The following BAZ2B variants were observed in gnomAD, a reference collection of about 807,000 sequenced individuals.
BAZ2B encodes bromodomain adjacent to zinc finger domain protein 2B.
A neutral mutation model predicts 246.0 loss-of-function variants in BAZ2B; 91 were observed. The observed-to-expected ratio is 0.37, with a 90% CI of 0.31 to 0.44. The LOEUF (loss-of-function observed/expected upper bound fraction) is 0.44. BAZ2B is among the 20% of genes least tolerant of loss of function. BAZ2B has a pLI of 1.00. For synonymous variants in BAZ2B, 855 were observed against 860.0 expected (o/e 0.99, Z 0.10); for missense variants, 2,332 against 2,533.7 (o/e 0.92, Z 1.71).
chr2:159,459,934 A>G (rs538404853), intron 3 of BAZ2B: 4 of 152,230 alleles, frequency 2.6e-5, no homozygotes, highest in African/African-American at 9.6e-5. Flanking sequence ...TATTTTTAGA[A>G]GACCACAATT....
intron 1 of BAZ2B, among the ~76,000 whole-genome samples, chr2:159,597,193 C>T (rs1292636959): frequency 6.6e-6 from 1 of 152,148 alleles, no homozygotes; most frequent in Non-Finnish European, 1.5e-5. Context: ...TGTATATCTT[C>T]TTTTGAGAAT....
chr2:159,504,239 G>A (rs961165313), intron 2 of BAZ2B, among the ~76,000 whole-genome samples: 2 of 151,888 alleles, frequency 1.3e-5, no homozygotes, highest in African/African-American at 4.8e-5. Context: ...GTATACATGT[G>A]CCATGCTGGT....
chr2:159,333,889 G>A (rs758738234), intron 33 of BAZ2B, among the ~76,000 whole-genome samples: 68 of 152,036 alleles, frequency 4.5e-4, no homozygotes, highest in Non-Finnish European at 7.4e-4. Context: ...TAACATTGGC[G>A]CGGTTACCAA....
intron 3 of BAZ2B, among the ~76,000 whole-genome samples, chr2:159,477,068 G>C (rs2078665955): frequency 6.6e-6 from 1 of 152,186 alleles, no homozygotes; most frequent in Non-Finnish European, 1.5e-5. Context: ...CACTTTAGGA[G>C]GCCGAGGAGG....
chr2:159,696,025 G>C, the BAZ2B span, among the ~76,000 whole-genome samples: 1 of 152,090 alleles, frequency 6.6e-6, no homozygotes, highest in Non-Finnish European at 1.5e-5. Context: ...CTCCCAAAGT[G>C]CTGGGATGAC....
upstream of BAZ2B, among the ~76,000 whole-genome samples, chr2:159,621,523 A>C (rs531056671): frequency 6.6e-6 from 1 of 152,356 alleles, no homozygotes; most frequent in East Asian, 1.9e-4. Context: ...AAAGCATTAT[A>C]AAACCTTTAA....
chr2:159,576,831 T>TGAACCCAG (rs1685428634), intron 1 of BAZ2B, among the ~76,000 whole-genome samples: 1 of 142,666 alleles, frequency 7.0e-6, no homozygotes, highest in South Asian at 2.2e-4. Flanking sequence ...GAGAATCGCT[T>TGAACCCAG]GAACCCAGGA....
chr2:159,615,461 G>A (rs1175773407), intron 1 of BAZ2B: 1 of 152,538 alleles, frequency 6.6e-6, no homozygotes, highest in Non-Finnish European at 1.5e-5. Context: ...CAGGTATCCA[G>A]ATCTTTTCCC....
At chr2:159,394,801 T>G (rs529863383) in intron 20 of BAZ2B, among the ~76,000 whole-genome samples, 1 of 152,168 alleles carries the variant, frequency 6.6e-6, no homozygotes, top group Non-Finnish European at 1.5e-5. Context: ...ATTTTATAGA[T>G]GAAATGAATC....
intron 2 of BAZ2B, among the ~76,000 whole-genome samples, chr2:159,521,598 T>G (rs2084141475): frequency 6.6e-6 from 1 of 152,096 alleles, no homozygotes; most frequent in Admixed American, 6.6e-5. Flanking sequence ...CTTACTTTCA[T>G]TTTTTTCTCG....
At chr2:159,529,177 T>C (rs2085086803) in intron 2 of BAZ2B, among the ~76,000 whole-genome samples, 1 of 152,156 alleles carries the variant, frequency 6.6e-6, no homozygotes, top group Non-Finnish European at 1.5e-5. Context: ...ATTAACCCTA[T>C]GTCTTCCAAA....
At chr2:159,608,852 C>T (rs772874975) in intron 1 of BAZ2B, among the ~76,000 whole-genome samples, 20 of 151,990 alleles carry the variant, frequency 1.3e-4, no homozygotes, top group Non-Finnish European at 1.8e-4. Flanking sequence ...CCTATCCAGC[C>T]ATTTCTGAAG....
chr2:159,653,639 T>A, the BAZ2B span, among the ~76,000 whole-genome samples: 1 of 152,204 alleles, frequency 6.6e-6, no homozygotes, highest in Non-Finnish European at 1.5e-5. Context: ...GCTTATATGA[T>A]ACGTGATGTA....
chr2:159,378,387 A>G (rs1000844583), intron 25 of BAZ2B, among the ~76,000 whole-genome samples: 5 of 152,218 alleles, frequency 3.3e-5, no homozygotes, highest in African/African-American at 1.2e-4. Flanking sequence ...CAGTAAAGTT[A>G]AATTCATTAC....
chr2:159,455,773 T>C (rs1278930756), intron 3 of BAZ2B, among the ~76,000 whole-genome samples: 1 of 146,264 alleles, frequency 6.8e-6, no homozygotes, highest in African/African-American at 2.5e-5. Context: ...GTTTTTTTTT[T>C]TTTTTTTTTT....
At chr2:159,418,243 G>A (rs976874658) in intron 13 of BAZ2B, among the ~76,000 whole-genome samples, 1 of 152,160 alleles carries the variant, frequency 6.6e-6, no homozygotes, top group Non-Finnish European at 1.5e-5. Flanking sequence ...TCTTTTTAGT[G>A]AGTTCTTAAA....
chr2:159,322,642 T>C (rs1045846330), intron 36 of BAZ2B, among the ~76,000 whole-genome samples: 8 of 152,116 alleles, frequency 5.3e-5, no homozygotes, highest in African/African-American at 1.9e-4. Flanking sequence ...CTAGGTGAGA[T>C]TCTAGGTGAA....
chr2:159,674,433 G>A, the BAZ2B span, among the ~76,000 whole-genome samples: 2 of 148,808 alleles, frequency 1.3e-5, no homozygotes, highest in African/African-American at 2.5e-5. Context: ...AAAGAATGGA[G>A]GCTGGGCGCG....
intron 36 of BAZ2B, among the ~76,000 whole-genome samples, chr2:159,321,175 G>A (rs1004635547): frequency 6.6e-6 from 1 of 152,140 alleles, no homozygotes; most frequent in Non-Finnish European, 1.5e-5. Flanking sequence ...AGAAGGGAAT[G>A]GTCATTTCAA....
Sources: allele counts gnomAD v4.1 joint callset (sites outside exome capture counted in the v4.1 genomes callset), GRCh38; gene constraint gnomAD v4.1.1; transcripts MANE v1.5; gene names NCBI Gene and HGNC (gene_info 2026-07-23, HGNC 2026-07-21).